The following MOSPD3 variants were observed in gnomAD, a reference collection of about 807,000 sequenced individuals.
MOSPD3 encodes the protein motile sperm domain-containing protein 3.
Under a neutral mutation model 23.3 loss-of-function variants are expected in MOSPD3, and 20 were observed. That is an observed-to-expected ratio of 0.86 (90% CI 0.61 to 1.25). MOSPD3 has a LOEUF of 1.25. Ranked by LOEUF, MOSPD3 falls within the 50% of genes most tolerant of loss-of-function variation. The pLI is 0.00. For synonymous variants in MOSPD3, 136 were observed against 135.2 expected (o/e 1.01, Z -0.04); for missense variants, 307 against 315.7 (o/e 0.97, Z 0.21).
chr7:100,612,976 G>T lies in MOSPD3; in HGVS notation c.185G>T (p.Gly62Val). The part of the protein sequence containing the change: ...RQLLTLYNPT[G>V]TALRFRVLCT... ...CTGCTGACCCTCTATAACCCCACAG[G>T]AACTGCGCTTCGCTTCCGAGGTAAA... Residue 62 changes from glycine to valine, a missense_variant, in exon 1 of 5, where the codon GGA (glycine) becomes GTA (valine). Physicochemically the swap from Gly to Val is moderately radical, Grantham distance 109. Coordinates refer to ENST00000393950, the MANE Select transcript of MOSPD3 (RefSeq NM_023948.5). The T allele has an allele frequency of 6.2e-7, 1 of 1,614,086 alleles. No homozygotes were observed.
chr7:100,613,836 C>A (rs993964765), intron 3 of MOSPD3, 130 bp downstream of exon 3: 1 of 824,502 alleles, frequency 1.2e-6, no homozygotes, highest in Non-Finnish European at 1.9e-6. Context: ...AACATTCCTC[C>A]GAGTTGAGAT....
chr7:100,615,285 T>C lies in MOSPD3; in HGVS notation c.*102T>C. 9.1e-7 allele frequency: 1 copy of C among 1,097,494 alleles called. No homozygotes were observed. The highest frequency in any genetic ancestry group is 1.6e-5 in the South Asian group (1 of 63,488). 68.0% of individuals were successfully genotyped at this position (1,097,494 alleles called of 1,614,324 possible). A position where few individuals can be genotyped will look rare whatever the true frequency, so the allele number is the denominator to read the frequency against. On this transcript the variant is annotated 3_prime_UTR_variant, in exon 5 of 5. Transcript: ENST00000393950. ...TACCTTGCCTCCTACCCTCTTCTCT[T>C]TCCTGCCTACTCCCCACTCCTCCCT...
At chr7:100,612,193 G>A (rs1397169441), upstream of MOSPD3, 1 of 152,406 alleles carries the variant, frequency 6.6e-6, no homozygotes, top group East Asian at 1.9e-4. Context: ...CTGGAACATG[G>A]CAACATTAAT....
intron 1 of MOSPD3, 66 bp from the exon 2 acceptor site, chr7:100,613,128 A>G (rs1483138200): frequency 6.3e-7 from 1 of 1,583,388 alleles, no homozygotes. Flanking sequence ...CCTCCGGGGC[A>G]GAAGGCAGAG....
Position 100,612,833 on chromosome 7 carries a change from G to C in MOSPD3, c.42G>C (p.Pro14=). ...CCCAGGACCAGGAGCTGGTGGGTCC[G>C]GGGCCCCCTGGGCGGGGGTCCCGGG... ...GAPQDQELVG[P]GPPGRGSRGA... is the part of the protein sequence containing the mutation. Residue 14 remains proline, a synonymous_variant, in exon 1 of 5, where the codon CCG becomes CCC. Transcript: ENST00000393950. 1 of 1,609,628 alleles carries C rather than the reference G, an allele frequency of 6.2e-7. No homozygotes were observed.
At position 100,613,652 on chromosome 7, in the gene MOSPD3, C is replaced by G; in HGVS notation, c.457C>G (p.Arg153Gly). 6.2e-7 allele frequency: 1 copy of G among 1,613,926 alleles called. No individual in the cohort carries two copies. Among genetic ancestry groups the G allele is most frequent in the Non-Finnish European group, 8.5e-7 (1 of 1,180,024 alleles). ...ELQGQPDPAP[R>G]PGPPAGTPPP... is the part of the protein sequence containing the mutation. ...TCAGGGACAGCCAGATCCAGCGCCTCGCCCAGGGCCTCCTGCTGGGACACC... is the reference window on the plus strand; with the variant it reads ...TCAGGGACAGCCAGATCCAGCGCCTGGCCCAGGGCCTCCTGCTGGGACACC... Residue 153 changes from arginine to glycine, a missense_variant, in exon 3 of 5, where the codon CGC (arginine) becomes GGC (glycine). Physicochemically the swap from Arg to Gly is moderately radical, Grantham distance 125. Transcript: ENST00000393950.
rs765804478 is a variant in MOSPD3 at position 100,612,993 on chromosome 7, C to G, written c.202C>G (p.Arg68Gly). The G allele has an allele frequency of 1.2e-6, 2 of 1,614,026 alleles. No homozygotes were observed. The highest frequency in any genetic ancestry group is 1.3e-5 in the African/African-American group (1 of 75,016). The change falls in exon 1 of 5, where the codon CGA becomes GGA. Residue 68 changes from arginine (R) to glycine (G), a missense_variant. Physicochemically the swap from Arg to Gly is moderately radical, Grantham distance 125. Transcript: ENST00000393950. ...YNPTGTALRF[R>G]VLCTAPAKYT... is the part of the protein sequence containing the mutation. ...CCCCACAGGAACTGCGCTTCGCTTCCGAGGTAAAGGGATCGGCGCCTCGTG... is the reference window on the plus strand; with the variant it reads ...CCCCACAGGAACTGCGCTTCGCTTCGGAGGTAAAGGGATCGGCGCCTCGTG...
Position 100,614,987 on chromosome 7 carries a change from T to C in MOSPD3, c.632T>C (p.Leu211Pro). ...DELGSQLPQVLHVSLGQKLVA... is the reference protein window; with the variant it reads ...DELGSQLPQVPHVSLGQKLVA... The stretch of plus-strand genomic sequence containing the variant: ...CTCGGCAGCCAGCTGCCTCAAGTCC[T>C]GCACGTCTCCCTGGGACAAAAGTTG... Residue 211 changes from leucine (L) to proline (P), a missense_variant, in exon 4 of 5, where the codon CTG becomes CCG. Coordinates refer to ENST00000393950, the MANE Select transcript of MOSPD3 (RefSeq NM_023948.5). 6.2e-7 allele frequency: 1 copy of C among 1,614,182 alleles called. No individual in the cohort carries two copies. The highest frequency in any genetic ancestry group is 8.5e-7 in the Non-Finnish European group (1 of 1,180,002).
In MOSPD3 at chr7:100,613,002, G is replaced by A. The variant is rs750916969; in HGVS notation, c.205+6G>A. 4 of 1,613,964 alleles carry A rather than the reference G, an allele frequency of 2.5e-6. No individual in the cohort carries two copies. The highest frequency in any genetic ancestry group is 1.1e-5 in the South Asian group (1 of 91,084). ...AACTGCGCTTCGCTTCCGAGGTAAA[G>A]GGATCGGCGCCTCGTGGGGGCTGGT... On this transcript the variant is annotated splice_donor_region_variant and intron_variant, in intron 1 of 4. Transcript: ENST00000393950.
rs777069121 is a variant in MOSPD3 at position 100,613,602 on chromosome 7, G to A, written c.407G>A (p.Arg136Lys). Residue 136 changes from arginine (R) to lysine (K), a missense_variant, in exon 3 of 5, where the codon AGA becomes AAA. By Grantham distance (26) the Arg-to-Lys change is conservative. Coordinates refer to ENST00000393950, the MANE Select transcript of MOSPD3 (RefSeq NM_023948.5). ...VGRKDITSIL[R>K]APAYPLELQG... ...CGCAAGGACATTACCTCCATTCTGA[G>A]AGCCCCAGCGTACCCCCTTGAGCTT... The A allele has an allele frequency of 1.2e-6, 2 of 1,614,140 alleles. No individual in the cohort carries two copies. Among genetic ancestry groups the A allele is most frequent in the South Asian group, 1.1e-5 (1 of 91,086 alleles).
Position 100,612,620 on chromosome 7 carries a change from C to T in MOSPD3, c.-172C>T. ...GAGGAAAGGTCTTGGGGGCCCTGGG[C>T]CTGGGTCTGCGGGAGCCCCATCTAG... On this transcript the variant is annotated 5_prime_UTR_variant, in exon 1 of 5. Transcript: ENST00000393950. The T allele has an allele frequency of 1.9e-6, 1 of 539,510 alleles. No individual in the cohort carries two copies. The highest frequency in any genetic ancestry group is 3.3e-6 in the Non-Finnish European group (1 of 307,432). 33.4% of individuals were successfully genotyped at this position (539,510 alleles called of 1,614,324 possible). A position where few individuals can be genotyped will look rare whatever the true frequency, so the allele number is the denominator to read the frequency against.
intron 1 of MOSPD3, 42 bp from the exon 2 acceptor site, chr7:100,613,152 C>A (rs774227193): frequency 6.2e-7 from 1 of 1,604,740 alleles, no homozygotes; most frequent in African/African-American, 1.3e-5. Flanking sequence ...ACTTAAATGA[C>A]CCACATGGCA....
In MOSPD3 at chr7:100,613,133, G is replaced by A. The variant is rs1186326635; in HGVS notation, c.206-61G>A. 8 of 1,592,616 alleles carry A rather than the reference G, an allele frequency of 5.0e-6. No homozygotes were observed. In the African/African-American group the frequency reaches 1.1e-4, roughly 21 times the overall value. ...TCATGTCCAGCCTCCGGGGCAGAAG[G>A]CAGAGGGGACTTAAATGACCCACAT... On this transcript the variant is annotated intron_variant, in intron 1 of 4. Coordinates refer to ENST00000393950, the MANE Select transcript of MOSPD3 (RefSeq NM_023948.5).
In MOSPD3 at chr7:100,612,842, T is replaced by A; in HGVS notation, c.51T>A (p.Pro17=). ...QDQELVGPGP[P]GRGSRGAPPP... ...AGGAGCTGGTGGGTCCGGGGCCCCC[T>A]GGGCGGGGGTCCCGGGGCGCCCCTC... is the stretch of plus-strand genomic sequence containing the variant. The change falls in exon 1 of 5, where the codon CCT becomes CCA. Residue 17 remains proline (P), a synonymous_variant. Coordinates refer to ENST00000393950, the MANE Select transcript of MOSPD3 (RefSeq NM_023948.5). 6.2e-7 allele frequency: 1 copy of A among 1,610,620 alleles called. No individual in the cohort carries two copies.
At position 100,612,753 on chromosome 7, in the gene MOSPD3, T is replaced by C; in HGVS notation, c.-39T>C. Reference sequence around the variant, plus strand: ...AGCTCTGACTCCAGGCCCTGTCCCCTGAGCTCTGCCCTCGGATGTCCGACC... The same window carrying C: ...AGCTCTGACTCCAGGCCCTGTCCCCCGAGCTCTGCCCTCGGATGTCCGACC... On this transcript the variant is annotated 5_prime_UTR_variant, in exon 1 of 5. Transcript: ENST00000393950. 1.3e-6 allele frequency: 2 copies of C among 1,509,840 alleles called. No homozygotes were observed. The highest frequency in any genetic ancestry group is 4.5e-5 in the East Asian group (2 of 44,128). The allele number at this position is 1,509,840 out of a possible 1,614,324, so 93.5% of individuals were successfully genotyped here. A position where few individuals can be genotyped will look rare whatever the true frequency, so the allele number is the denominator to read the frequency against.
At chr7:100,614,667 A>T (rs1379852026) in intron 3 of MOSPD3, among the ~76,000 whole-genome samples, 200 bp from the exon 4 acceptor site, 1 of 151,978 alleles carries the variant, frequency 6.6e-6, no homozygotes, top group African/African-American at 2.4e-5. Context: ...CCAGCTACTT[A>T]GGAAGCTAAG....
intron 3 of MOSPD3, 65 bp downstream of exon 3, chr7:100,613,771 G>A: frequency 1.4e-6 from 2 of 1,392,382 alleles, no homozygotes; most frequent in Non-Finnish European, 2.0e-6. Context: ...CCCTAGAGAT[G>A]AGATAAATTG....
chr7:100,612,784 G>A lies in MOSPD3; in HGVS notation c.-8G>A, dbSNP rs562174907. 1 of 1,573,448 alleles carries A rather than the reference G, an allele frequency of 6.4e-7. No homozygotes were observed. The highest frequency in any genetic ancestry group is 1.2e-5 in the South Asian group (1 of 86,402). ...CTGCCCTCGGATGTCCGACCGCCCA[G>A]AGCCTGCATGCGCCGTGGGGCGCCC... On this transcript the variant is annotated 5_prime_UTR_variant, in exon 1 of 5. Coordinates refer to ENST00000393950, the MANE Select transcript of MOSPD3 (RefSeq NM_023948.5).
intron 3 of MOSPD3, among the ~76,000 whole-genome samples, chr7:100,614,517 C>A (rs1278880349): frequency 6.6e-6 from 1 of 151,880 alleles, no homozygotes; most frequent in African/African-American, 2.4e-5. Flanking sequence ...ACCTATAATC[C>A]CAGTGCTTTG....
Sources: allele counts gnomAD v4.1 joint callset (sites outside exome capture counted in the v4.1 genomes callset), GRCh38; gene constraint gnomAD v4.1.1; transcripts MANE v1.5; gene names NCBI Gene and HGNC (gene_info 2026-07-23, HGNC 2026-07-21).